PCDHA1: variants seen among roughly 807,000 people sequenced by gnomAD.
PCDHA1 encodes the protein protocadherin alpha-1.
Under a neutral mutation model 61.3 loss-of-function variants are expected in PCDHA1, and 42 were observed. The ratio of observed to expected loss-of-function variants is 0.69; its 90% CI spans 0.54 to 0.89. PCDHA1 has a LOEUF of 0.89. Among genes scored for constraint, PCDHA1 ranks in the 40% least tolerant of loss-of-function variants. PCDHA1 has a pLI of 0.00. For missense variants in PCDHA1, 1,256 were observed against 1,235.3 expected, an observed-to-expected ratio of 1.02 and a Z score of -0.25; for synonymous variants, 610 against 553.8, an observed-to-expected ratio of 1.10 and a Z score of -1.43.
intron 1 of PCDHA1, among the ~76,000 whole-genome samples, chr5:140,964,392 C>A (rs2095829219): frequency 6.6e-6 from 1 of 152,072 alleles, no homozygotes; most frequent in African/African-American, 2.4e-5. Flanking sequence ...GGTTTTTCTC[C>A]CAAGACATGA....
chr5:140,982,696 A>G lies in PCDHA1; in HGVS notation c.2542+133A>G. ...GTTATTCCCTTTTTTCCATACATAC[A>G]TGATTTCCTTACATATATGATTATT... On this transcript the variant is annotated intron_variant, in intron 3 of 3. Transcript: ENST00000504120. 2.9e-6 allele frequency: 4 copies of G among 1,397,036 alleles called. No individual in the cohort carries two copies. The East Asian group carries it at 7.6e-5, about 27-fold the overall frequency. 86.5% of individuals were successfully genotyped at this position (1,397,036 alleles called of 1,614,324 possible). A position where few individuals can be genotyped will look rare whatever the true frequency, so the allele number is the denominator to read the frequency against.
chr5:140,946,980 T>G (rs757011315), intron 1 of PCDHA1, among the ~76,000 whole-genome samples: 4 of 151,702 alleles, frequency 2.6e-5, no homozygotes, highest in Non-Finnish European at 5.9e-5. Context: ...AATAGAGGAT[T>G]TTGAGTGTTC....
chr5:140,815,532 T>TTA (rs1562243795), intron 1 of PCDHA1: 1 of 151,194 alleles, frequency 6.6e-6, no homozygotes, highest in Non-Finnish European at 1.5e-5. Context: ...ATATTGTGTA[T>TTA]ACATTATTTT....
chr5:140,981,943 G>A (rs1207723761), intron 2 of PCDHA1, among the ~76,000 whole-genome samples: 2 of 152,116 alleles, frequency 1.3e-5, no homozygotes, highest in Non-Finnish European at 2.9e-5. Flanking sequence ...GGAAATATAG[G>A]GTGGGTCATC....
chr5:140,982,354 A>G, intron 2 of PCDHA1, 121 bp from the exon 3 acceptor site: 2 of 1,512,522 alleles, frequency 1.3e-6, no homozygotes, highest in East Asian at 2.4e-5. Flanking sequence ...CAGTTCAAGC[A>G]TGAGCAGAAT....
intron 1 of PCDHA1, chr5:140,802,981 G>A: frequency 6.2e-7 from 1 of 1,614,028 alleles, no homozygotes; most frequent in Non-Finnish European, 8.5e-7. Context: ...GCGAAGGTGC[G>A]CGCAGTGGAT....
At chr5:140,967,731 G>T in intron 1 of PCDHA1, 1 of 1,614,164 alleles carries the variant, frequency 6.2e-7, no homozygotes, top group African/African-American at 1.3e-5. Context: ...GTAATTGGGG[G>T]GCTGGATTAT....
intron 1 of PCDHA1, among the ~76,000 whole-genome samples, chr5:140,900,452 T>A (rs2068062293): frequency 6.6e-6 from 1 of 152,222 alleles, no homozygotes; most frequent in South Asian, 2.1e-4. Flanking sequence ...TAATTTTTTA[T>A]TTTTAGTAGA....
At position 140,857,227 on chromosome 5, in the gene PCDHA1, G is replaced by T. The variant is rs148283153; in HGVS notation, c.2394+68543G>T. On this transcript the variant is annotated intron_variant, in intron 1 of 3. Transcript: ENST00000504120. ...CCTGCTCTCTGACGCCTCACGTTCC[G>T]TTCAAGCTGGTGTCCACCTACAAGA... is the stretch of plus-strand genomic sequence containing the variant. The T allele has an allele frequency of 7.5e-6, 12 of 1,598,330 alleles. No homozygotes were observed. In the African/African-American group the frequency reaches 1.5e-4, roughly 20 times the overall value.
intron 1 of PCDHA1, chr5:140,843,320 G>A (rs782364875): frequency 6.3e-7 from 1 of 1,596,056 alleles, no homozygotes; most frequent in Non-Finnish European, 8.6e-7. Context: ...CACGGTTCTG[G>A]TGTCGCTGGT....
chr5:140,870,133 G>A, intron 1 of PCDHA1: 1 of 1,613,974 alleles, frequency 6.2e-7, no homozygotes, highest in African/African-American at 1.3e-5. Context: ...GGACACCAAC[G>A]ATAACTCTCC....
intron 3 of PCDHA1, among the ~76,000 whole-genome samples, chr5:140,989,845 T>C (rs1180098230): frequency 2.6e-5 from 4 of 152,118 alleles, no homozygotes; most frequent in Non-Finnish European, 5.9e-5. Flanking sequence ...AATGAGTGTG[T>C]GGACTGGAGA....
At chr5:140,822,728 A>C (rs1554128843) in intron 1 of PCDHA1, 1 of 1,612,954 alleles carries the variant, frequency 6.2e-7, no homozygotes, top group Non-Finnish European at 8.5e-7. Flanking sequence ...TATGAAATTA[A>C]TATTGATGCC....
At chr5:140,827,797 T>C (rs1488725700) in intron 1 of PCDHA1, among the ~76,000 whole-genome samples, 3 of 152,216 alleles carry the variant, frequency 2.0e-5, no homozygotes, top group Non-Finnish European at 4.4e-5. Flanking sequence ...CCGTGCAAAT[T>C]ACAAACGTGA....
chr5:140,890,870 T>A (rs1217710440), intron 1 of PCDHA1, among the ~76,000 whole-genome samples: 1 of 152,226 alleles, frequency 6.6e-6, no homozygotes, highest in Non-Finnish European at 1.5e-5. Flanking sequence ...CTTGCCCCTC[T>A]GACCTTTCAT....
At chr5:140,801,557 G>T in intron 1 of PCDHA1, 1 of 1,614,242 alleles carries the variant, frequency 6.2e-7, no homozygotes, top group Non-Finnish European at 8.5e-7. Flanking sequence ...TCCATGTGGA[G>T]GTGGAAGTGA....
chr5:140,847,058 A>C (rs1780836064), intron 1 of PCDHA1, among the ~76,000 whole-genome samples: 1 of 149,958 alleles, frequency 6.7e-6, no homozygotes, highest in Non-Finnish European at 1.5e-5. Context: ...AGACACAGAA[A>C]GCATCAATAT....
chr5:140,788,628 C>T lies in PCDHA1; in HGVS notation c.2338C>T (p.Leu780Phe), dbSNP rs782196901. Reference sequence around the variant, plus strand: ...CTTCAGCCCAGGCCTATCTCCAAGTCTTAACACGTCAGAAAGAAATGAACA... The same window carrying T: ...CTTCAGCCCAGGCCTATCTCCAAGTTTTAACACGTCAGAAAGAAATGAACA... ...MAFSPGLSPS[L>F]NTSERNEQPE... Residue 780 changes from leucine (L) to phenylalanine (F), a missense_variant, in exon 1 of 4, where the codon CTT (leucine) becomes TTT (phenylalanine). Coordinates refer to ENST00000504120, the MANE Select transcript of PCDHA1 (RefSeq NM_018900.4). 2 of 1,609,654 alleles carry T rather than the reference C, an allele frequency of 1.2e-6. No individual in the cohort carries two copies. Among genetic ancestry groups the T allele is most frequent in the East Asian group, 4.5e-5 (2 of 44,792 alleles).
rs1563185469 is a variant in PCDHA1 at position 140,941,211 on chromosome 5, CTTCCTTT to C, written c.2395-37737_2395-37731del. On this transcript the variant is annotated intron_variant, in intron 1 of 3. Coordinates refer to ENST00000504120, the MANE Select transcript of PCDHA1 (RefSeq NM_018900.4). The stretch of plus-strand genomic sequence containing the variant: ...TTTTTTTTTCTTTCTTCCTTTCTTT[CTTCCTTT>C]CTTTCTTTCTTTCTTTCTTTCTTTC... Among the ~76,000 whole-genome samples, 1,009 of 129,652 alleles carry C rather than the reference CTTCCTTT, an allele frequency of 7.8e-3. 14 individuals are homozygous for C. Among genetic ancestry groups the C allele is most frequent in the Middle Eastern group, 0.036 (9 of 248 alleles). 85.1% of individuals were successfully genotyped at this position (129,652 alleles called of 152,430 possible).
Sources: allele counts gnomAD v4.1 joint callset (sites outside exome capture counted in the v4.1 genomes callset), GRCh38; gene constraint gnomAD v4.1.1; transcripts MANE v1.5; gene names NCBI Gene and HGNC (gene_info 2026-07-23, HGNC 2026-07-21).